Variants in STMP1 observed in about 807,000 individuals in gnomAD.
STMP1 encodes the protein mitolamban.
Under a neutral mutation model 7.0 loss-of-function variants are expected in STMP1, and 7 were observed. The ratio of observed to expected loss-of-function variants is 1.01; its 90% CI spans 0.57 to 1.89. STMP1 has a LOEUF of 1.89. Ranked by LOEUF, STMP1 falls within the 40% of genes most tolerant of loss-of-function variation. STMP1 has a pLI of 0.00. For missense variants in STMP1, 45 were observed against 53.0 expected, an observed-to-expected ratio of 0.85 and a Z score of 0.47; for synonymous variants, 19 against 18.4, an observed-to-expected ratio of 1.03 and a Z score of -0.08.
chr7:135,665,594 T>C (rs947047152), intron 1 of STMP1: 1 of 151,962 alleles, frequency 6.6e-6, no homozygotes, highest in African/African-American at 2.4e-5. Flanking sequence ...GACTTTTTTT[T>C]TTTTTTTTAA....
At chr7:135,670,341 A>G (rs566619713) in intron 1 of STMP1, among the ~76,000 whole-genome samples, 2 of 152,236 alleles carry the variant, frequency 1.3e-5, no homozygotes, top group South Asian at 4.1e-4. Flanking sequence ...CAGCTGACAG[A>G]ACTACTGATG....
intron 1 of STMP1, chr7:135,665,780 C>T (rs1363223551): frequency 6.6e-6 from 1 of 152,074 alleles, no homozygotes; most frequent in African/African-American, 2.4e-5. Flanking sequence ...CTACTGCTTC[C>T]TTAATCGTAA....
Position 135,674,111 on chromosome 7 carries a change from A to T in STMP1, c.90A>T (p.Lys30Asn). 1 of 1,550,852 alleles carries T rather than the reference A, an allele frequency of 6.4e-7. No individual in the cohort carries two copies. Among genetic ancestry groups the T allele is most frequent in the South Asian group, 1.2e-5 (1 of 83,836 alleles). The stretch of plus-strand genomic sequence containing the variant: ...CAAAGATACCAAACCTGGCTAAAAA[A>T]CTTGAAGAAATTAAAAAGGACTTGG... ...QNYDIPNLAK[K>N]LEEIKKDLDA... is the part of the protein sequence containing the mutation. Residue 30 changes from lysine to asparagine, a missense_variant, in exon 3 of 3, where the codon AAA becomes AAT. By Grantham distance (94) the Lys-to-Asn change is moderately conservative (BLOSUM62 0). Transcript: ENST00000507606.
In STMP1 at chr7:135,662,524, C is replaced by A. The variant is rs1795242000; in HGVS notation, c.-56C>A. The A allele has an allele frequency of 1.3e-6, 2 of 1,531,482 alleles. No individual in the cohort carries two copies. Among genetic ancestry groups the A allele is most frequent in the Admixed American group, 2.0e-5 (1 of 49,694 alleles). 94.9% of individuals were successfully genotyped at this position (1,531,482 alleles called of 1,614,324 possible). ...CGCGCATGGGGAGGTAGGCTCGGAC[C>A]GGCCCGCGGAGCTGCTGCAGTCCTT... On this transcript the variant is annotated 5_prime_UTR_variant, in exon 1 of 3. Transcript: ENST00000507606.
Position 135,674,328 on chromosome 7 carries a change from A to C in STMP1, c.*163A>C. The C allele has an allele frequency of 1.8e-6, 1 of 570,376 alleles. No homozygotes were observed. The highest frequency in any genetic ancestry group is 3.5e-5 in the Admixed American group (1 of 28,248). 35.3% of individuals were successfully genotyped at this position (570,376 alleles called of 1,614,324 possible). A position where few individuals can be genotyped will look rare whatever the true frequency, so the allele number is the denominator to read the frequency against. On this transcript the variant is annotated 3_prime_UTR_variant, in exon 3 of 3. Coordinates refer to ENST00000507606, the MANE Select transcript of STMP1 (RefSeq NM_001130929.2). ...TTTAAAGCAAGCAAAATGGGGCCCC[A>C]ATTTGAGAACTACCCGACATTTCCA...
At chr7:135,667,437 T>G (rs79658752) in intron 1 of STMP1, among the ~76,000 whole-genome samples, 336 of 152,276 alleles carry the variant, frequency 2.2e-3, no homozygotes, top group Non-Finnish European at 3.4e-3. Flanking sequence ...GTAATTGAAC[T>G]CCTGACCTCA....
At chr7:135,672,880 G>T in intron 2 of STMP1, 74 bp downstream of exon 2, 1 of 1,230,000 alleles carries the variant, frequency 8.1e-7, no homozygotes, top group South Asian at 1.3e-5. Flanking sequence ...TTTGAGGTAA[G>T]GTGTGACTTC....
chr7:135,672,663 T>C, intron 1 of STMP1, 90 bp from the exon 2 acceptor site: 1 of 953,738 alleles, frequency 1.0e-6, no homozygotes, highest in South Asian at 1.4e-5. Flanking sequence ...CTAAGCTTCT[T>C]AGGAAGATAT....
intron 1 of STMP1, among the ~76,000 whole-genome samples, chr7:135,665,983 C>A (rs548955769): frequency 6.6e-6 from 1 of 151,796 alleles, no homozygotes; most frequent in African/African-American, 2.4e-5. Flanking sequence ...CTCACTGCAC[C>A]CTCCGCCTCC....
At chr7:135,664,868 A>T (rs1424920130) in intron 1 of STMP1, among the ~76,000 whole-genome samples, 5 of 152,154 alleles carry the variant, frequency 3.3e-5, no homozygotes, top group Non-Finnish European at 7.4e-5. Flanking sequence ...AAAAATGACC[A>T]TCATGTTCTA....
intron 1 of STMP1, among the ~76,000 whole-genome samples, chr7:135,668,104 A>G (rs1795315214): frequency 1.3e-5 from 2 of 152,154 alleles, no homozygotes; most frequent in Admixed American, 6.5e-5. Flanking sequence ...ACTCTTGTTG[A>G]AAATCACTTG....
intron 1 of STMP1, among the ~76,000 whole-genome samples, chr7:135,663,563 C>T (rs148346249): frequency 0.039 from 5,961 of 152,206 alleles, 232 homozygotes; most frequent in African/African-American, 0.098. Context: ...AGGCTGGTCT[C>T]GAACTCCTGA....
chr7:135,674,259 C>T lies in STMP1; in HGVS notation c.*94C>T. ...AACCAAAAGCTTTTGTTTTCGTCTC[C>T]AGCCTCAGCACTTCTCTTCTTTGCT... On this transcript the variant is annotated 3_prime_UTR_variant, in exon 3 of 3. Coordinates refer to ENST00000507606, the MANE Select transcript of STMP1 (RefSeq NM_001130929.2). 1.0e-6 allele frequency: 1 copy of T among 977,192 alleles called. No individual in the cohort carries two copies. The allele number at this position is 977,192 out of a possible 1,614,324, so 60.5% of individuals were successfully genotyped here.
intron 1 of STMP1, among the ~76,000 whole-genome samples, chr7:135,665,235 T>C (rs970294515): frequency 2.6e-5 from 4 of 152,196 alleles, no homozygotes; most frequent in Admixed American, 6.5e-5. Flanking sequence ...AAGCAGTGCG[T>C]TGTCATTACA....
intron 1 of STMP1, 92 bp downstream of exon 1, chr7:135,662,686 G>T: frequency 1.4e-6 from 2 of 1,451,578 alleles, no homozygotes; most frequent in Non-Finnish European, 1.9e-6. Context: ...CGCCGACCCG[G>T]CCTGGGCGTG....
At chr7:135,672,848 G>A (rs1329294925) in intron 2 of STMP1, 42 bp downstream of exon 2, 1 of 1,486,390 alleles carries the variant, frequency 6.7e-7, no homozygotes, top group Admixed American at 2.0e-5. Context: ...CCATGTAACT[G>A]TTTTAGAGTG....
chr7:135,662,697 G>T (rs1470230841), intron 1 of STMP1, 103 bp downstream of exon 1: 5 of 1,345,484 alleles, frequency 3.7e-6, no homozygotes, highest in African/African-American at 1.5e-5. Context: ...CCTGGGCGTG[G>T]GTCCAGCGGT....
intron 1 of STMP1, among the ~76,000 whole-genome samples, chr7:135,664,684 C>T (rs561865670): frequency 1.4e-4 from 21 of 152,182 alleles, no homozygotes; most frequent in African/African-American, 5.1e-4. Context: ...ATTCCTAGCT[C>T]AGAAGTAACT....
At chr7:135,663,922 G>C (rs1795264699) in intron 1 of STMP1, among the ~76,000 whole-genome samples, 1 of 152,260 alleles carries the variant, frequency 6.6e-6, no homozygotes, top group Admixed American at 6.5e-5. Context: ...GGGATTACAG[G>C]CGTGAGCCTC....
Sources: allele counts gnomAD v4.1 joint callset (sites outside exome capture counted in the v4.1 genomes callset), GRCh38; gene constraint gnomAD v4.1.1; transcripts MANE v1.5; gene names NCBI Gene and HGNC (gene_info 2026-07-23, HGNC 2026-07-21).